LINC00237: variants seen among roughly 807,000 people sequenced by gnomAD.
The protein encoded by LINC00237 is long intergenic non-protein coding RNA 237.
At chr20:21,096,049 A>C (rs928148212) in intron 1 of LINC00237, among the ~76,000 whole-genome samples, 2 of 152,132 alleles carry the variant, frequency 1.3e-5, no homozygotes, top group African/African-American at 4.8e-5. Flanking sequence ...CTGTCTCTCA[A>C]CTTCATTCCC....
intron 2 of LINC00237, among the ~76,000 whole-genome samples, chr20:21,091,251 A>G (rs1357806696): frequency 6.6e-6 from 1 of 152,098 alleles, no homozygotes; most frequent in East Asian, 1.9e-4. Flanking sequence ...CACAACAGAG[A>G]GCATAATGCA....
At chr20:21,100,879 C>T (rs2030922081) in intron 1 of LINC00237, among the ~76,000 whole-genome samples, 1 of 152,160 alleles carries the variant, frequency 6.6e-6, no homozygotes, top group Non-Finnish European at 1.5e-5. Flanking sequence ...ATAATGTCAT[C>T]AGCCCCGGCC....
chr20:21,104,433 G>A (rs1228947562), intron 1 of LINC00237, among the ~76,000 whole-genome samples: 2 of 152,260 alleles, frequency 1.3e-5, no homozygotes, highest in Non-Finnish European at 2.9e-5. Context: ...AGAGGCGGCC[G>A]CAAGCAACAG....
intron 2 of LINC00237, among the ~76,000 whole-genome samples, chr20:21,091,678 C>A (rs969777052): frequency 2.0e-5 from 3 of 152,178 alleles, no homozygotes; most frequent in Non-Finnish European, 4.4e-5. Flanking sequence ...GGGTCCATTT[C>A]ATTTACATTT....
intron 1 of LINC00237, among the ~76,000 whole-genome samples, chr20:21,097,699 A>T (rs1600313324): frequency 6.6e-6 from 1 of 152,174 alleles, no homozygotes; most frequent in Non-Finnish European, 1.5e-5. Flanking sequence ...AACCCTATAC[A>T]GTAAAGTGGT....
In LINC00237 at chr20:21,101,785, G is replaced by A. The variant is rs916316708; in HGVS notation, n.88+4486C>T. 6.6e-6 allele frequency among the ~76,000 whole-genome samples: 1 copy of A among 152,224 alleles called. No homozygotes were observed. Among genetic ancestry groups the A allele is most frequent in the African/African-American group, 2.4e-5 (1 of 41,470 alleles). On this transcript the variant is annotated intron_variant and non_coding_transcript_variant, in intron 1 of 3. Transcript: ENST00000691244. This position sits in a 1 kb window ranked among gnomAD's most constrained non-coding sequence, Gnocchi z 4.3. ...GCCTTGGTCAAGAAAGGTTTCCTCG[G>A]CTGCGCCACCGTGGGGATGGAGGTG...
intron 1 of LINC00237, among the ~76,000 whole-genome samples, chr20:21,104,770 C>T (rs1248331312): frequency 6.6e-6 from 1 of 152,226 alleles, no homozygotes; most frequent in Non-Finnish European, 1.5e-5. Context: ...CTTGTTTCTG[C>T]TCTAGCTAGG....
chr20:21,101,699 T>G lies in LINC00237; in HGVS notation n.88+4572A>C, dbSNP rs2030933896. The G allele has an allele frequency of 1.3e-5, 2 of 152,418 alleles. No individual in the cohort carries two copies. Among genetic ancestry groups the G allele is most frequent in the Non-Finnish European group, 2.9e-5 (2 of 68,192 alleles). The allele number at this position is 152,418 out of a possible 1,614,324, so 9.4% of individuals were successfully genotyped here. A position where few individuals can be genotyped will look rare whatever the true frequency, so the allele number is the denominator to read the frequency against. On this transcript the variant is annotated intron_variant and non_coding_transcript_variant, in intron 1 of 3. Transcript: ENST00000691244. The surrounding 1 kb of genome is among the most constrained non-coding windows in gnomAD (Gnocchi z 4.3). ...GACGTGTTTTCCCGCTCCTTCGAAT[T>G]TAACCGCCCAGTGCCTGCCTCCTGG...
rs534701905 is a variant in LINC00237, at chr20:21,099,679, G to T, written n.89-5827C>A. Among the ~76,000 whole-genome samples the T allele has an allele frequency of 1.4e-4, 21 of 152,190 alleles. No individual in the cohort carries two copies. The South Asian group carries it at 4.2e-3, about 30-fold the overall frequency. The stretch of plus-strand genomic sequence containing the variant: ...CCCTTCTTTTTTTATATATATAAGG[G>T]TTAGAGTTATTACTTAATGATAATT... On this transcript the variant is annotated intron_variant and non_coding_transcript_variant, in intron 1 of 3. Transcript: ENST00000691244.
intron 3 of LINC00237, among the ~76,000 whole-genome samples, chr20:21,086,668 TATATATAGTATACTACATATAC>T (rs2030705604): frequency 2.3e-5 from 1 of 43,506 alleles, no homozygotes; most frequent in African/African-American, 8.0e-5. Context: ...TATAGTATAC[TATATATAGTATACTACATATAC>T]ATATGTAGTA....
chr20:21,086,404 C>T (rs1333600491), intron 3 of LINC00237, among the ~76,000 whole-genome samples: 1 of 151,478 alleles, frequency 6.6e-6, no homozygotes, highest in East Asian at 1.9e-4. Flanking sequence ...CAGAGGTGAT[C>T]ATGGCTTGTT....
chr20:21,090,248 A>G (rs910132015), intron 2 of LINC00237: 2 of 152,248 alleles, frequency 1.3e-5, no homozygotes, highest in African/African-American at 4.8e-5. Flanking sequence ...CTGTTTGTGA[A>G]CAGGAAGGCC....
At chr20:21,103,927 T>A (rs2030965513) in intron 1 of LINC00237, among the ~76,000 whole-genome samples, 1 of 152,126 alleles carries the variant, frequency 6.6e-6, no homozygotes, top group African/African-American at 2.4e-5. Flanking sequence ...TCTCCTGGCA[T>A]CAGTCACGCA....
At chr20:21,094,148 T>A (rs1416149478) in intron 1 of LINC00237, among the ~76,000 whole-genome samples, 3 of 152,206 alleles carry the variant, frequency 2.0e-5, no homozygotes, top group Non-Finnish European at 4.4e-5. Flanking sequence ...GATTTCAGAA[T>A]TATTTAATTT....
intron 2 of LINC00237, chr20:21,092,741 T>C (rs1301818672): frequency 6.6e-6 from 1 of 152,188 alleles, no homozygotes; most frequent in Non-Finnish European, 1.5e-5. Context: ...AGAAAATGCA[T>C]ACACACAGTC....
rs1021736090 is a variant in LINC00237 at position 21,101,974 on chromosome 20, C to A, written n.88+4297G>T. Among the ~76,000 whole-genome samples, 3 of 152,260 alleles carry A rather than the reference C, an allele frequency of 2.0e-5. No individual in the cohort carries two copies. Among genetic ancestry groups the A allele is most frequent in the Non-Finnish European group, 4.4e-5 (3 of 68,050 alleles). On this transcript the variant is annotated intron_variant and non_coding_transcript_variant, in intron 1 of 3. Transcript: ENST00000691244. The surrounding 1 kb of genome is among the most constrained non-coding windows in gnomAD (Gnocchi z 4.3). ...GCTCTCCACGGACTCGATTGGACAG[C>A]CCCAGGCCGGCTTTGGATCCTTGGA... is the stretch of plus-strand genomic sequence containing the variant.
At chr20:21,099,879 T>C (rs2030907657) in intron 1 of LINC00237, among the ~76,000 whole-genome samples, 1 of 152,176 alleles carries the variant, frequency 6.6e-6, no homozygotes, top group African/African-American at 2.4e-5. Flanking sequence ...GTTTATCAAA[T>C]TATTAACCGC....
intron 1 of LINC00237, among the ~76,000 whole-genome samples, chr20:21,097,248 A>G (rs868609944): frequency 2.0e-5 from 3 of 152,342 alleles, no homozygotes; most frequent in Middle Eastern, 6.8e-3. Flanking sequence ...ATACATTAAA[A>G]TAGAAGAAAA....
chr20:21,100,355 C>T (rs889075263), intron 1 of LINC00237, among the ~76,000 whole-genome samples: 1 of 152,176 alleles, frequency 6.6e-6, no homozygotes, highest in Non-Finnish European at 1.5e-5. Flanking sequence ...GGCTTGTAGA[C>T]GGACGCGGGC....
Sources: gnomAD v4.1 joint callset for allele counts (sites outside exome capture counted in the v4.1 genomes callset) on GRCh38, gnomAD v4.1.1 for gene constraint, Gnocchi (gnomAD v3.1) non-coding constraint, MANE v1.5 for transcripts, NCBI Gene and HGNC (gene_info 2026-07-23, HGNC 2026-07-21) for gene names.